QKI: variants seen among roughly 807,000 people sequenced by gnomAD.
QKI encodes KH domain-containing RNA-binding protein QKI.
Under a neutral mutation model 39.0 loss-of-function variants are expected in QKI, and 10 were observed. The observed-to-expected ratio is 0.26, with a 90% confidence interval of 0.16 to 0.43. The LOEUF (loss-of-function observed/expected upper bound fraction) is 0.43, where lower values mean the gene tolerates loss of function less well. QKI is among the 20% of genes least tolerant of loss of function. The pLI, the probability that QKI is intolerant of heterozygous loss-of-function variation, is 1.00. For missense variants in QKI, 218 were observed against 428.0 expected (o/e 0.51, Z 4.33); for synonymous variants, 204 against 155.4 (o/e 1.31, Z -2.33).
intron 1 of QKI, among the ~76,000 whole-genome samples, chr6:163,435,717 CAT>C (rs1789213237): frequency 6.6e-6 from 1 of 152,066 alleles, no homozygotes; most frequent in Non-Finnish European, 1.5e-5. Context: ...CGTTTCTAGT[CAT>C]ATGCCGTGTA....
At chr6:163,464,204 A>T (rs2128221408) in intron 2 of QKI, among the ~76,000 whole-genome samples, 1 of 151,714 alleles carries the variant, frequency 6.6e-6, no homozygotes, top group Non-Finnish European at 1.5e-5. Flanking sequence ...CTCGCGCAAT[A>T]CATAGCCCAT....
chr6:163,435,764 A>G (rs1789220691), intron 1 of QKI, among the ~76,000 whole-genome samples: 1 of 152,144 alleles, frequency 6.6e-6, no homozygotes, highest in Non-Finnish European at 1.5e-5. Flanking sequence ...AGGAACTGCA[A>G]TCTTAAAGGA....
rs1783260279 is a variant in QKI at position 163,564,931 on chromosome 6, T to C, written c.934+1212T>C. On this transcript the variant is annotated intron_variant, in intron 6 of 7. Transcript: ENST00000361752. ...AGCATTAATATTGATTTATAAAGAT[T>C]TGAAAATCTTTAATGAACTGGAGAA... 2.2e-6 allele frequency: 3 copies of C among 1,344,808 alleles called. No individual in the cohort carries two copies. The East Asian group carries it at 8.1e-5, about 36-fold the overall frequency. The allele number at this position is 1,344,808 out of a possible 1,614,324, so 83.3% of individuals were successfully genotyped here.
intron 4 of QKI, among the ~76,000 whole-genome samples, chr6:163,539,191 G>T (rs1781371942): frequency 6.6e-6 from 1 of 152,144 alleles, no homozygotes. Context: ...GGGAGCCCCT[G>T]GATTTGGAGG....
chr6:163,511,621 G>A (rs1315578808), intron 3 of QKI, among the ~76,000 whole-genome samples: 1 of 151,520 alleles, frequency 6.6e-6, no homozygotes, highest in Non-Finnish European at 1.5e-5. Context: ...AAATTCTTTG[G>A]AAAACACAAA....
At chr6:163,459,825 A>G (rs1415876433) in intron 2 of QKI, among the ~76,000 whole-genome samples, 1 of 152,242 alleles carries the variant, frequency 6.6e-6, no homozygotes, top group Non-Finnish European at 1.5e-5. Flanking sequence ...TAAGTTTCTC[A>G]TGCATTCATG....
rs553001659 is a variant in QKI at position 163,430,099 on chromosome 6, G to A, written c.142+14764G>A. On this transcript the variant is annotated intron_variant, in intron 1 of 7. Coordinates refer to ENST00000361752, the MANE Select transcript of QKI (RefSeq NM_006775.3). Reference sequence around the variant, plus strand: ...GAGTGGCGTTCTAGACACAGGGAACGGTGTTCTTGAATGTGGGAACATTCT... The same window carrying A: ...GAGTGGCGTTCTAGACACAGGGAACAGTGTTCTTGAATGTGGGAACATTCT... Among the ~76,000 whole-genome samples, 7 of 152,210 alleles carry A rather than the reference G, an allele frequency of 4.6e-5. No individual in the cohort carries two copies. In the South Asian group the frequency reaches 6.2e-4, roughly 14 times the overall value.
At chr6:163,534,940 T>G (rs1469464811) in intron 3 of QKI, 42 bp from the exon 4 acceptor site, 2 of 1,492,762 alleles carry the variant, frequency 1.3e-6, no homozygotes, top group East Asian at 2.3e-5. Flanking sequence ...GCTCTCTCTT[T>G]AAAGAGAATA....
chr6:163,569,804 A>C (rs1159213140), intron 7 of QKI: 1 of 986,196 alleles, frequency 1.0e-6, no homozygotes, highest in Non-Finnish European at 1.2e-6. Flanking sequence ...TTGAATAAAG[A>C]AAGCTGTTTG....
chr6:163,513,660 G>C (rs1660818972), intron 3 of QKI, among the ~76,000 whole-genome samples: 1 of 152,100 alleles, frequency 6.6e-6, no homozygotes, highest in South Asian at 2.1e-4. Context: ...TTTTAAAAGA[G>C]TGACTTACTA....
chr6:163,456,415 G>A (rs1195566985), intron 2 of QKI, among the ~76,000 whole-genome samples: 2 of 152,210 alleles, frequency 1.3e-5, no homozygotes, highest in East Asian at 3.9e-4. Context: ...AACAATACTT[G>A]TTGAATGAAC....
chr6:163,535,581 A>C (rs957603846), intron 4 of QKI, among the ~76,000 whole-genome samples: 2 of 150,590 alleles, frequency 1.3e-5, no homozygotes, highest in Non-Finnish European at 3.0e-5. Context: ...TGGGCCATTA[A>C]TTTTTTTTTC....
chr6:163,415,984 A>G (rs996864459), intron 1 of QKI: 1 of 477,620 alleles, frequency 2.1e-6, no homozygotes, highest in African/African-American at 2.1e-5. Context: ...AGTGACGGCG[A>G]AAAGCACTTT....
intron 3 of QKI, among the ~76,000 whole-genome samples, chr6:163,483,319 G>A (rs1164880293): frequency 2.0e-5 from 3 of 152,130 alleles, no homozygotes; most frequent in Non-Finnish European, 4.4e-5. Context: ...GGTGGTGGTT[G>A]CCAATGGTTG....
intron 3 of QKI, among the ~76,000 whole-genome samples, chr6:163,504,339 G>C (rs1778965731): frequency 6.6e-6 from 1 of 151,964 alleles, no homozygotes; most frequent in African/African-American, 2.4e-5. Context: ...TTTCCTATTT[G>C]GGCTCTTTTT....
chr6:163,565,391 A>T, intron 6 of QKI: 2 of 985,982 alleles, frequency 2.0e-6, no homozygotes, highest in Non-Finnish European at 2.4e-6. Context: ...TCAGCGCAAG[A>T]TCTCCCTGAT....
At chr6:163,505,495 C>A (rs1200125170) in intron 3 of QKI, among the ~76,000 whole-genome samples, 1 of 152,186 alleles carries the variant, frequency 6.6e-6, no homozygotes, top group East Asian at 1.9e-4. Context: ...TGTGGGAGCC[C>A]ATCCCTTGCA....
intron 3 of QKI, among the ~76,000 whole-genome samples, chr6:163,502,846 T>G (rs745938435): frequency 6.6e-6 from 1 of 152,098 alleles, no homozygotes; most frequent in Non-Finnish European, 1.5e-5. Context: ...GTAGAGTGGT[T>G]GTTTTCTTTC....
chr6:163,426,549 G>A (rs1788422174), intron 1 of QKI, among the ~76,000 whole-genome samples: 1 of 152,064 alleles, frequency 6.6e-6, no homozygotes, highest in African/African-American at 2.4e-5. Flanking sequence ...GAACCAGAAG[G>A]TGCCCCATCG....
Sources: gnomAD v4.1 joint callset for allele counts (sites outside exome capture counted in the v4.1 genomes callset) on GRCh38, gnomAD v4.1.1 for gene constraint, MANE v1.5 for transcripts, NCBI Gene and HGNC (gene_info 2026-07-23, HGNC 2026-07-21) for gene names.